The following ANKMY2 variants were observed in gnomAD, a reference collection of about 807,000 sequenced individuals.
The protein encoded by ANKMY2 is ankyrin repeat and MYND domain-containing protein 2.
In ANKMY2, 36 loss-of-function variants were observed where a neutral mutation model predicts 50.4. That is an observed-to-expected ratio of 0.71 (90% confidence interval 0.55 to 0.94). The LOEUF (loss-of-function observed/expected upper bound fraction) is 0.94, where lower values mean the gene tolerates loss of function less well. Among genes scored for constraint, ANKMY2 ranks in the 40% least tolerant of loss-of-function variants. The pLI is 0.00. For synonymous variants in ANKMY2, 187 were observed against 178.8 expected, an observed-to-expected ratio of 1.05 and a Z score of -0.36; for missense variants, 565 against 524.0, an observed-to-expected ratio of 1.08 and a Z score of -0.76.
intron 1 of ANKMY2, among the ~76,000 whole-genome samples, 166 bp downstream of exon 1, chr7:16,645,341 C>A (rs940367930): frequency 6.6e-6 from 1 of 152,158 alleles, no homozygotes; most frequent in Non-Finnish European, 1.5e-5. Flanking sequence ...CCTCTCCGCC[C>A]CTGCAACCTT....
At chr7:16,637,245 C>G (rs4719473) in intron 1 of ANKMY2, among the ~76,000 whole-genome samples, 24,643 of 152,114 alleles carry the variant, frequency 0.16, 2,207 homozygotes, top group Admixed American at 0.28. Flanking sequence ...TAAGATAAGC[C>G]TCTCCTATAA....
intron 1 of ANKMY2, chr7:16,644,659 G>T (rs1003391921): frequency 2.1e-6 from 1 of 471,010 alleles, no homozygotes; most frequent in Non-Finnish European, 4.4e-6. Context: ...GGGTGCAGAA[G>T]AAGCATGCAG....
chr7:16,638,394 C>T (rs899398246), intron 1 of ANKMY2, among the ~76,000 whole-genome samples: 1 of 152,178 alleles, frequency 6.6e-6, no homozygotes, highest in Admixed American at 6.5e-5. Context: ...ACACTACTTA[C>T]ATTTACCCAT....
chr7:16,641,641 C>A lies in ANKMY2; in HGVS notation c.67+3866G>T, dbSNP rs563430898. Among the ~76,000 whole-genome samples the A allele has an allele frequency of 1.9e-4, 29 of 152,070 alleles. No individual in the cohort carries two copies. In the South Asian group the frequency reaches 2.5e-3, roughly 13 times the overall value. ...TATTTCAATAGTCCCAAATTGGAAA[C>A]AACAATTGGGCATCAATGGGAATGG... On this transcript the variant is annotated intron_variant, in intron 1 of 9. Coordinates refer to ENST00000306999, the MANE Select transcript of ANKMY2 (RefSeq NM_020319.3).
chr7:16,635,417 G>A (rs2204322), intron 2 of ANKMY2, among the ~76,000 whole-genome samples: 118,700 of 152,088 alleles, frequency 0.78, 46,522 homozygotes, highest in Admixed American at 0.82. Context: ...GGATATCTAC[G>A]TTATCTTGAT....
Position 16,615,800 on chromosome 7 carries a change from T to C in ANKMY2, c.475A>G (p.Lys159Glu). ...GLDKEPKLPP[K>E]LAGPLHKIIT... ...ATTTTGTGCAGCGGGCCTGCCAACTTTGGGGGCAGTTTTGGCTCTTTATCC... is the reference window on the plus strand; with the variant it reads ...ATTTTGTGCAGCGGGCCTGCCAACTCTGGGGGCAGTTTTGGCTCTTTATCC... The change falls in exon 5 of 10, where the codon AAG becomes GAG. Residue 159 changes from lysine to glutamate, a missense_variant. Physicochemically the swap from Lys to Glu is moderately conservative, Grantham distance 56. Transcript: ENST00000306999. 6.2e-7 allele frequency: 1 copy of C among 1,614,178 alleles called. No homozygotes were observed. The highest frequency in any genetic ancestry group is 8.5e-7 in the Non-Finnish European group (1 of 1,180,032).
At position 16,600,340 on chromosome 7, in the gene ANKMY2, TAA is replaced by T. The variant is rs944212492; in HGVS notation, c.*419_*420del. On this transcript the variant is annotated 3_prime_UTR_variant, in exon 10 of 10. Transcript: ENST00000306999. ...TGCTTATATGTATTTTATTCACATA[TAA>T]GTTATGATTTTTCTAACTACCCTCT... 1.3e-5 allele frequency: 2 copies of T among 153,500 alleles called. No individual in the cohort carries two copies. Among genetic ancestry groups the T allele is most frequent in the African/African-American group, 2.4e-5 (1 of 41,474 alleles). 9.5% of individuals were successfully genotyped at this position (153,500 alleles called of 1,614,324 possible).
intron 1 of ANKMY2, among the ~76,000 whole-genome samples, chr7:16,639,586 TG>T (rs1190558532): frequency 6.6e-6 from 1 of 152,134 alleles, no homozygotes; most frequent in Admixed American, 6.6e-5. Context: ...TTTCCCAGCA[TG>T]GACAACATAG....
chr7:16,640,288 G>A (rs780453919), intron 1 of ANKMY2, among the ~76,000 whole-genome samples: 19 of 152,168 alleles, frequency 1.2e-4, no homozygotes, highest in Non-Finnish European at 2.2e-4. Context: ...GTGTCCTAAT[G>A]TGGAGCACAT....
chr7:16,611,597 G>C (rs1781252772), intron 5 of ANKMY2, among the ~76,000 whole-genome samples: 1 of 152,184 alleles, frequency 6.6e-6, no homozygotes, highest in East Asian at 1.9e-4. Context: ...AATGCCTAGA[G>C]AGAATAGGGG....
At chr7:16,613,117 T>C (rs1781282870) in intron 5 of ANKMY2, among the ~76,000 whole-genome samples, 1 of 152,244 alleles carries the variant, frequency 6.6e-6, no homozygotes, top group Non-Finnish European at 1.5e-5. Flanking sequence ...CATTTTTTTC[T>C]GTGATTTTGT....
At chr7:16,633,569 G>T (rs1429911365) in intron 2 of ANKMY2, among the ~76,000 whole-genome samples, 1 of 151,960 alleles carries the variant, frequency 6.6e-6, no homozygotes, top group African/African-American at 2.4e-5. Flanking sequence ...CAAATTCCAA[G>T]ATATGTGCTT....
intron 8 of ANKMY2, among the ~76,000 whole-genome samples, chr7:16,603,957 T>G (rs1781114083): frequency 6.6e-6 from 1 of 152,374 alleles, no homozygotes; most frequent in South Asian, 2.1e-4. Context: ...TTATAAGCAG[T>G]AATAATTAAC....
At chr7:16,607,640 A>G (rs1353221711) in intron 7 of ANKMY2, among the ~76,000 whole-genome samples, 1 of 150,642 alleles carries the variant, frequency 6.6e-6, no homozygotes, top group Non-Finnish European at 1.5e-5. Flanking sequence ...TGGAGCTAGG[A>G]TAACTTGTTG....
chr7:16,606,142 T>G (rs1781157455), intron 7 of ANKMY2, among the ~76,000 whole-genome samples: 1 of 151,896 alleles, frequency 6.6e-6, no homozygotes, highest in African/African-American at 2.4e-5. Flanking sequence ...CAAAGAAAAT[T>G]ATAAGGGGCT....
chr7:16,617,917 GTTTTTTTTTTT>G (rs780533044), intron 4 of ANKMY2, among the ~76,000 whole-genome samples: 1 of 110,882 alleles, frequency 9.0e-6, no homozygotes, highest in Non-Finnish European at 1.8e-5. Flanking sequence ...CAGTGAGCGT[GTTTTTTTTTTT>G]TTTTTTTTTT....
chr7:16,625,383 C>T (rs553925633), intron 3 of ANKMY2, among the ~76,000 whole-genome samples: 1 of 152,040 alleles, frequency 6.6e-6, no homozygotes, highest in Non-Finnish European at 1.5e-5. Context: ...ACTATAAAAT[C>T]AAAATACGCA....
chr7:16,600,633 T>C lies in ANKMY2; in HGVS notation c.*128A>G. ...CAACAGGGGTTTGCTTGAAAACCTG[T>C]ATTCTATGAAATGTGGAATCCTGCC... On this transcript the variant is annotated 3_prime_UTR_variant, in exon 10 of 10. Transcript: ENST00000306999. 1 of 729,746 alleles carries C rather than the reference T, an allele frequency of 1.4e-6. No individual in the cohort carries two copies. The highest frequency in any genetic ancestry group is 4.3e-5 in the South Asian group (1 of 23,078). 45.2% of individuals were successfully genotyped at this position (729,746 alleles called of 1,614,324 possible).
chr7:16,614,221 G>T (rs1157302851), intron 5 of ANKMY2, among the ~76,000 whole-genome samples: 1 of 152,182 alleles, frequency 6.6e-6, no homozygotes, highest in African/African-American at 2.4e-5. Context: ...TTTTCCCTAG[G>T]TATGCTGGGA....
Sources: allele counts gnomAD v4.1 joint callset (sites outside exome capture counted in the v4.1 genomes callset), GRCh38; gene constraint gnomAD v4.1.1; transcripts MANE v1.5; gene names NCBI Gene and HGNC (gene_info 2026-07-23, HGNC 2026-07-21).